GID8: variants seen among roughly 807,000 people sequenced by gnomAD.
The protein encoded by GID8 is glucose-induced degradation protein 8 homolog.
A neutral mutation model predicts 27.4 loss-of-function variants in GID8; 6 were observed. The ratio of observed to expected loss-of-function variants is 0.22; its 90% CI spans 0.12 to 0.43. GID8 has a LOEUF of 0.43. GID8 is among the 20% of genes least tolerant of loss of function. GID8 has a pLI of 1.00. For synonymous variants in GID8, 112 were observed against 109.0 expected (o/e 1.03, Z -0.17); for missense variants, 173 against 287.6 (o/e 0.60, Z 2.88).
chr20:62,947,526 G>A lies in GID8; in HGVS notation c.*2614G>A, dbSNP rs1233625998. On this transcript the variant is annotated 3_prime_UTR_variant, in exon 5 of 5. Transcript: ENST00000266069. Reference sequence around the variant, plus strand: ...GCTGGAGAGTGCCTTGAAATAAAATGTGAGAGTATTCTGGTACTCTGTGTT... The same window carrying A: ...GCTGGAGAGTGCCTTGAAATAAAATATGAGAGTATTCTGGTACTCTGTGTT... The A allele has an allele frequency of 3.9e-5, 6 of 152,626 alleles. No individual in the cohort carries two copies. The highest frequency in any genetic ancestry group is 5.9e-5 in the Non-Finnish European group (4 of 68,038). The allele number at this position is 152,626 out of a possible 1,614,324, so 9.5% of individuals were successfully genotyped here. A position where few individuals can be genotyped will look rare whatever the true frequency, so the allele number is the denominator to read the frequency against.
At position 62,943,632 on chromosome 20, in the gene GID8, C is replaced by T. The variant is rs1466872227; in HGVS notation, c.453C>T (p.Ala151=). Residue 151 remains alanine, a synonymous_variant, in exon 4 of 5, where the codon GCC becomes GCT. Transcript: ENST00000266069. The surrounding 1 kb of genome is among the most constrained non-coding windows in gnomAD (Gnocchi z 4.7). ...TGGAGCGTACCCTGGCACTGCTGGC[C>T]TTTGACAGTCCCGAGGAGTCGCCCT... ...TEMERTLALL[A]FDSPEESPFG... 4.3e-6 allele frequency: 7 copies of T among 1,613,734 alleles called. No homozygotes were observed. The highest frequency in any genetic ancestry group is 5.9e-6 in the Non-Finnish European group (7 of 1,179,998).
chr20:62,939,928 T>A (rs2065433429), intron 1 of GID8, among the ~76,000 whole-genome samples: 1 of 152,200 alleles, frequency 6.6e-6, no homozygotes, highest in Admixed American at 6.5e-5. Flanking sequence ...GGCGTGCCCC[T>A]GCCTGTCTCA....
rs150027321 is a variant in GID8 at position 62,944,475 on chromosome 20, T to A, written c.514-264T>A. ...GAGGCTTGTGAGGAGGGTGCTGGTA[T>A]GTCCTGCTACGCTGGTCTTACCTCT... On this transcript the variant is annotated intron_variant, in intron 4 of 4. Coordinates refer to ENST00000266069, the MANE Select transcript of GID8 (RefSeq NM_017896.3). Among the ~76,000 whole-genome samples the A allele has an allele frequency of 3.1e-3, 478 of 152,252 alleles. 1 individual carries two copies. The highest frequency in any genetic ancestry group is 0.011 in the African/African-American group (452 of 41,550).
In GID8 at chr20:62,943,463, T is replaced by G. The variant is rs2065452515; in HGVS notation, c.316-32T>G. 1 of 1,600,188 alleles carries G rather than the reference T, an allele frequency of 6.2e-7. No individual in the cohort carries two copies. The highest frequency in any genetic ancestry group is 1.3e-5 in the African/African-American group (1 of 74,682). ...GCCCTAAGTCCCTGGCCTGGGTGTG[T>G]GGGGGTCAAGCTTGTCTGTCTCTGC... On this transcript the variant is annotated intron_variant, in intron 3 of 4. Coordinates refer to ENST00000266069, the MANE Select transcript of GID8 (RefSeq NM_017896.3). This position sits in a 1 kb window ranked among gnomAD's most constrained non-coding sequence, Gnocchi z 4.7.
intron 1 of GID8, chr20:62,938,467 T>G (rs900976166): frequency 2.0e-5 from 3 of 151,836 alleles, no homozygotes; most frequent in African/African-American, 7.3e-5. Flanking sequence ...GGGCTCAGCC[T>G]CCAGGCGCGC....
rs2065451530 is a variant in GID8, at chr20:62,943,248, T to C, written c.315+65T>C. On this transcript the variant is annotated intron_variant, in intron 3 of 4. Transcript: ENST00000266069. This position sits in a 1 kb window ranked among gnomAD's most constrained non-coding sequence, Gnocchi z 4.7. ...GATAAGTTAAAGTTATTTGCAATGATTGAGAAATAACTAGGCTAATTTGCT... is the reference window on the plus strand; with the variant it reads ...GATAAGTTAAAGTTATTTGCAATGACTGAGAAATAACTAGGCTAATTTGCT... 18 of 1,269,358 alleles carry C rather than the reference T, an allele frequency of 1.4e-5. No homozygotes were observed. The South Asian group carries it at 2.4e-4, about 17-fold the overall frequency. The allele number at this position is 1,269,358 out of a possible 1,614,324, so 78.6% of individuals were successfully genotyped here.
rs778149125 is a variant in GID8, at chr20:62,944,918, G to GC, written c.*7dup. The GC allele has an allele frequency of 3.1e-6, 5 of 1,606,546 alleles. No homozygotes were observed. Among genetic ancestry groups the GC allele is most frequent in the Non-Finnish European group, 3.4e-6 (4 of 1,176,058 alleles). ...TGATTGAGGAGCCCAAGTAGCGCCTGCGCTTGCGTGGTGGATCCAACACCA... is the reference window on the plus strand; with the variant it reads ...TGATTGAGGAGCCCAAGTAGCGCCTGCCGCTTGCGTGGTGGATCCAACACCA... On this transcript the variant is annotated 3_prime_UTR_variant, in exon 5 of 5. Transcript: ENST00000266069.
intron 1 of GID8, among the ~76,000 whole-genome samples, 169 bp from the exon 2 acceptor site, chr20:62,941,322 A>C (rs1451031438): frequency 6.6e-6 from 1 of 152,218 alleles, no homozygotes. Context: ...AAGTGAACTT[A>C]TTCTTTGCTA....
intron 4 of GID8, among the ~76,000 whole-genome samples, chr20:62,944,220 AT>A (rs1245166054): frequency 6.6e-6 from 1 of 152,064 alleles, no homozygotes; most frequent in African/African-American, 2.4e-5. Flanking sequence ...GGTGTCTTAT[AT>A]TTATCTGAAC....
chr20:62,948,249 A>G lies in GID8; in HGVS notation c.*3337A>G, dbSNP rs1363394283. On this transcript the variant is annotated 3_prime_UTR_variant, in exon 5 of 5. Coordinates refer to ENST00000266069, the MANE Select transcript of GID8 (RefSeq NM_017896.3). ...ACAGGTATGTTTTTGTTTCAGAAAT[A>G]TGTATTGCTTTTCTCATATTTTTTG... The G allele has an allele frequency of 1.3e-5, 2 of 152,244 alleles. No individual in the cohort carries two copies. Among genetic ancestry groups the G allele is most frequent in the East Asian group, 1.9e-4 (1 of 5,204 alleles). The allele number at this position is 152,244 out of a possible 1,614,324, so 9.4% of individuals were successfully genotyped here. A position where few individuals can be genotyped will look rare whatever the true frequency, so the allele number is the denominator to read the frequency against.
At chr20:62,941,246 T>C (rs1286267888) in intron 1 of GID8, among the ~76,000 whole-genome samples, 1 of 152,280 alleles carries the variant, frequency 6.6e-6, no homozygotes, top group East Asian at 1.9e-4. Context: ...TGTTCAGCTT[T>C]GTAAGGAGTA....
rs546387476 is a variant in GID8 at position 62,939,639 on chromosome 20, C to T, written c.-13+1386C>T. 5.9e-4 allele frequency among the ~76,000 whole-genome samples: 90 copies of T among 152,150 alleles called. 1 individual carries two copies. The highest frequency in any genetic ancestry group is 1.3e-4 in the Non-Finnish European group (9 of 68,040). On this transcript the variant is annotated intron_variant, in intron 1 of 4. Transcript: ENST00000266069. ...AAACCTGTGACCATCTTCTATTCTT[C>T]CCTCTCTTTTGTCCGGTAATCTGTC...
Position 62,946,844 on chromosome 20 carries a change from C to T in GID8, c.*1932C>T, listed in dbSNP as rs1051446579. On this transcript the variant is annotated 3_prime_UTR_variant, in exon 5 of 5. Transcript: ENST00000266069. ...GAGAGATGCATCTGCACGTTTTCTT[C>T]AACAGCACCAGGTGATTCAGCATAT... is the stretch of plus-strand genomic sequence containing the variant. The T allele has an allele frequency of 1.3e-5, 2 of 152,208 alleles. No individual in the cohort carries two copies. The highest frequency in any genetic ancestry group is 2.4e-5 in the African/African-American group (1 of 41,440). The allele number at this position is 152,208 out of a possible 1,614,324, so 9.4% of individuals were successfully genotyped here.
rs974311627 is a variant in GID8, at chr20:62,946,439, G to A, written c.*1527G>A. The stretch of plus-strand genomic sequence containing the variant: ...GCCTCTGAATGATGCTTCTTTCTGT[G>A]TTGGAGCCTGGCGAAGTTGTGTTTT... On this transcript the variant is annotated 3_prime_UTR_variant, in exon 5 of 5. Coordinates refer to ENST00000266069, the MANE Select transcript of GID8 (RefSeq NM_017896.3). The A allele has an allele frequency of 5.1e-5, 8 of 158,102 alleles. No homozygotes were observed. Among genetic ancestry groups the A allele is most frequent in the African/African-American group, 1.9e-4 (8 of 41,540 alleles). 9.8% of individuals were successfully genotyped at this position (158,102 alleles called of 1,614,324 possible). A position where few individuals can be genotyped will look rare whatever the true frequency, so the allele number is the denominator to read the frequency against.
intron 1 of GID8, among the ~76,000 whole-genome samples, chr20:62,939,105 G>C (rs546223891): frequency 2.7e-5 from 4 of 149,036 alleles, no homozygotes; most frequent in African/African-American, 1.0e-4. Context: ...GCGACAGAGC[G>C]AGGCTCTGTC....
chr20:62,944,398 A>G (rs1460578385), intron 4 of GID8, among the ~76,000 whole-genome samples: 4 of 151,710 alleles, frequency 2.6e-5, no homozygotes, highest in East Asian at 1.9e-4. Context: ...TGTCCTCCCT[A>G]CGCTGTCTTG....
In GID8 at chr20:62,946,120, C is replaced by G; in HGVS notation, c.*1208C>G. On this transcript the variant is annotated 3_prime_UTR_variant, in exon 5 of 5. Transcript: ENST00000266069. ...ACCGGGCACTGTTGACCCCACTGAG[C>G]AGTGCTAAGTGTTGGTTTAGTGGAT... 1.1e-6 allele frequency: 1 copy of G among 914,536 alleles called. No individual in the cohort carries two copies. Among genetic ancestry groups the G allele is most frequent in the Non-Finnish European group, 1.5e-6 (1 of 657,810 alleles). The allele number at this position is 914,536 out of a possible 1,614,324, so 56.7% of individuals were successfully genotyped here.
chr20:62,944,494 T>TA (rs2065456982), intron 4 of GID8, among the ~76,000 whole-genome samples: 1 of 152,192 alleles, frequency 6.6e-6, no homozygotes, highest in Non-Finnish European at 1.5e-5. Flanking sequence ...ACGCTGGTCT[T>TA]ACCTCTCTCC....
chr20:62,944,156 C>T (rs1025701144), intron 4 of GID8, among the ~76,000 whole-genome samples: 2 of 152,190 alleles, frequency 1.3e-5, no homozygotes, highest in Non-Finnish European at 2.9e-5. Flanking sequence ...TTTATCTTGT[C>T]AAACTAGGGA....
Sources: gnomAD v4.1 joint callset for allele counts (sites outside exome capture counted in the v4.1 genomes callset) on GRCh38, gnomAD v4.1.1 for gene constraint, Gnocchi (gnomAD v3.1) non-coding constraint, MANE v1.5 for transcripts, NCBI Gene and HGNC (gene_info 2026-07-23, HGNC 2026-07-21) for gene names.